Variants in GBE1 observed in about 807,000 individuals in gnomAD.
GBE1 encodes the protein 1,4-alpha-glucan-branching enzyme.
Under a neutral mutation model 88.8 loss-of-function variants are expected in GBE1, and 70 were observed. The observed-to-expected ratio is 0.79, with a 90% CI of 0.65 to 0.96. The LOEUF (loss-of-function observed/expected upper bound fraction) is 0.96, where lower values mean the gene tolerates loss of function less well. GBE1 is among the 40% of genes least tolerant of loss of function. The probability of loss-of-function intolerance (pLI) is 0.00; values close to 1 mark genes in which losing one functional copy is unlikely to be tolerated. For missense variants in GBE1, 872 were observed against 871.0 expected, an observed-to-expected ratio of 1.00 and a Z score of -0.01; for synonymous variants, 284 against 300.1, an observed-to-expected ratio of 0.95 and a Z score of 0.56.
intron 1 of GBE1, among the ~76,000 whole-genome samples, chr3:81,759,213 G>A (rs1008492483): frequency 6.6e-6 from 1 of 152,140 alleles, no homozygotes; most frequent in African/African-American, 2.4e-5. Context: ...GGTAAAGAAG[G>A]GAAGGAACAT....
intron 3 of GBE1, among the ~76,000 whole-genome samples, chr3:81,662,413 G>T (rs1354960954): frequency 1.3e-5 from 2 of 151,968 alleles, no homozygotes; most frequent in South Asian, 4.1e-4. Flanking sequence ...AATCATTGAA[G>T]GCTTCCATGC....
At chr3:81,496,671 C>T (rs547434578) in intron 15 of GBE1, among the ~76,000 whole-genome samples, 1 of 152,148 alleles carries the variant, frequency 6.6e-6, no homozygotes, top group Non-Finnish European at 1.5e-5. Context: ...AAGGAGTTCT[C>T]TTATAATGAA....
At chr3:81,635,996 G>A (rs79299026) in intron 7 of GBE1, among the ~76,000 whole-genome samples, 3,024 of 152,188 alleles carry the variant, frequency 0.02, 45 homozygotes, top group Non-Finnish European at 0.031. Context: ...GGGAATAAAC[G>A]AGGCAGATAA....
At chr3:81,700,865 A>C (rs1336154209) in intron 2 of GBE1, among the ~76,000 whole-genome samples, 1 of 152,108 alleles carries the variant, frequency 6.6e-6, no homozygotes, top group East Asian at 1.9e-4. Context: ...AGGTTATTTG[A>C]AAGGTGCCTA....
chr3:81,503,372 T>G (rs1388797983), intron 14 of GBE1, among the ~76,000 whole-genome samples: 1 of 152,182 alleles, frequency 6.6e-6, no homozygotes, highest in Admixed American at 6.5e-5. Context: ...GTCTTAAGAC[T>G]TATTTTATTA....
At chr3:81,600,908 G>A (rs779388169) in intron 7 of GBE1, among the ~76,000 whole-genome samples, 1 of 152,108 alleles carries the variant, frequency 6.6e-6, no homozygotes, top group Non-Finnish European at 1.5e-5. Flanking sequence ...AATGGTGTGT[G>A]TGCACATGCA....
In GBE1 at chr3:81,679,204, G is replaced by A. The variant is rs62267084; in HGVS notation, c.314-8251C>T. Among the ~76,000 whole-genome samples, 1,493 of 152,208 alleles carry A rather than the reference G, an allele frequency of 9.8e-3. 14 individuals are homozygous for A. Among genetic ancestry groups the A allele is most frequent in the Non-Finnish European group, 0.017 (1,182 of 67,980 alleles). ...ATGAGGTCTCTGTGCACAAATAGGT[G>A]TCCAAATCTCTTTTCTTGCTATCAA... On this transcript the variant is annotated intron_variant, in intron 2 of 15. Coordinates refer to ENST00000429644, the MANE Select transcript of GBE1 (RefSeq NM_000158.4).
intron 14 of GBE1, among the ~76,000 whole-genome samples, chr3:81,531,361 T>C (rs940471587): frequency 1.3e-5 from 2 of 150,922 alleles, no homozygotes; most frequent in African/African-American, 4.9e-5. Flanking sequence ...ATAAAGCCCT[T>C]TTCACTCTTC....
intron 2 of GBE1, among the ~76,000 whole-genome samples, chr3:81,689,102 T>C (rs191443419): frequency 7.0e-4 from 107 of 152,322 alleles, no homozygotes; most frequent in Non-Finnish European, 1.0e-3. Context: ...GTTCCTTTTT[T>C]TCTGAAATCT....
chr3:81,612,483 C>G, intron 7 of GBE1: 1 of 1,026,920 alleles, frequency 9.7e-7, no homozygotes, highest in Non-Finnish European at 1.5e-6. Flanking sequence ...AATTCTGTCA[C>G]TTCAACTCTG....
chr3:81,530,236 T>C (rs1249010351), intron 14 of GBE1, among the ~76,000 whole-genome samples: 1 of 151,970 alleles, frequency 6.6e-6, no homozygotes, highest in Non-Finnish European at 1.5e-5. Flanking sequence ...TCTGTTAAAT[T>C]GCATTTCACG....
chr3:81,589,565 A>C (rs1703848255), intron 9 of GBE1, among the ~76,000 whole-genome samples: 1 of 151,840 alleles, frequency 6.6e-6, no homozygotes, highest in South Asian at 2.1e-4. Context: ...AAAGTCTCAA[A>C]GTTTCATTGG....
intron 14 of GBE1, among the ~76,000 whole-genome samples, chr3:81,507,856 AT>A (rs1246372097): frequency 6.6e-6 from 1 of 152,190 alleles, no homozygotes; most frequent in Non-Finnish European, 1.5e-5. Flanking sequence ...AAACAGAAGC[AT>A]ATTTCTATTA....
In GBE1 at chr3:81,535,290, G is replaced by T. The variant is rs535185036; in HGVS notation, c.1839C>A (p.Ile613=). The T allele has an allele frequency of 1.2e-6, 2 of 1,610,586 alleles. No homozygotes were observed. Among genetic ancestry groups the T allele is most frequent in the Admixed American group, 1.7e-5 (1 of 59,656 alleles). The change falls in exon 14 of 16, where the codon ATC becomes ATA. Residue 613 remains isoleucine, a synonymous_variant. Transcript: ENST00000429644. ...GAAGACCTGCTCTTTCAAAAGCAAT[G>T]ATCTTATTGCCTTCATGTTTTTCAC... ...YVSEKHEGNK[I]IAFERAGLLF...
rs1401553793 is a variant in GBE1, at chr3:81,734,140, C to T, written c.143+27235G>A. 3.3e-5 allele frequency among the ~76,000 whole-genome samples: 5 copies of T among 152,230 alleles called. No homozygotes were observed. In the East Asian group the frequency reaches 9.6e-4, roughly 29 times the overall value. ...TTACTTTTATATATAAAGCATTAAA[C>T]TACAGAGTTGTATTTGTAAATGTTA... On this transcript the variant is annotated intron_variant, in intron 1 of 15. Transcript: ENST00000429644.
At position 81,750,637 on chromosome 3, in the gene GBE1, A is replaced by G. The variant is rs1559708803; in HGVS notation, c.143+10738T>C. 4.2e-4 allele frequency among the ~76,000 whole-genome samples: 23 copies of G among 54,292 alleles called. 2 individuals are homozygous for G. Among genetic ancestry groups the G allele is most frequent in the East Asian group, 4.6e-3 (2 of 432 alleles). 35.6% of individuals were successfully genotyped at this position (54,292 alleles called of 152,430 possible). ...TATATGTATATATATATACGTATAT[A>G]TATATATGTATATATATATATGTAT... On this transcript the variant is annotated intron_variant, in intron 1 of 15. Transcript: ENST00000429644.
At chr3:81,681,117 G>T (rs961493134) in intron 2 of GBE1, among the ~76,000 whole-genome samples, 1 of 152,218 alleles carries the variant, frequency 6.6e-6, no homozygotes, top group Non-Finnish European at 1.5e-5. Flanking sequence ...GACATTATTT[G>T]CTTAGAAAGA....
intron 7 of GBE1, among the ~76,000 whole-genome samples, chr3:81,623,712 T>C (rs1383871742): frequency 6.6e-6 from 1 of 152,200 alleles, no homozygotes; most frequent in African/African-American, 2.4e-5. Context: ...GGCATGACCA[T>C]GGCTCACTGA....
At chr3:81,718,128 C>T (rs564906969) in intron 1 of GBE1, among the ~76,000 whole-genome samples, 63 of 151,816 alleles carry the variant, frequency 4.1e-4, no homozygotes, top group African/African-American at 8.2e-4. Flanking sequence ...TACAGGCGTG[C>T]GCCACCACGC....
Sources: allele counts gnomAD v4.1 joint callset (sites outside exome capture counted in the v4.1 genomes callset), GRCh38; gene constraint gnomAD v4.1.1; transcripts MANE v1.5; gene names NCBI Gene and HGNC (gene_info 2026-07-23, HGNC 2026-07-21).